The following DCDC1 variants were observed in gnomAD, a reference collection of about 807,000 sequenced individuals.
DCDC1 encodes doublecortin domain-containing protein 1.
A neutral mutation model predicts 178.3 loss-of-function variants in DCDC1; 200 were observed. The ratio of observed to expected loss-of-function variants is 1.12; its 90% CI spans 1.00 to 1.26. DCDC1 has a LOEUF of 1.26. Among genes scored for constraint, DCDC1 ranks in the 50% most tolerant of loss-of-function variants. The pLI is 0.00. For synonymous variants in DCDC1, 690 were observed against 604.8 expected, an observed-to-expected ratio of 1.14 and a Z score of -2.07; for missense variants, 1,983 against 1,749.2, an observed-to-expected ratio of 1.13 and a Z score of -2.38.
At chr11:31,016,767 C>T (rs1272109601) in intron 20 of DCDC1, among the ~76,000 whole-genome samples, 2 of 152,152 alleles carry the variant, frequency 1.3e-5, no homozygotes, top group Non-Finnish European at 2.9e-5. Flanking sequence ...GCCTGTGTCC[C>T]ATCCCCAGAG....
chr11:30,941,051 T>C (rs1187596150), intron 21 of DCDC1, among the ~76,000 whole-genome samples: 1 of 152,206 alleles, frequency 6.6e-6, no homozygotes, highest in Non-Finnish European at 1.5e-5. Context: ...ATTTTAGCTA[T>C]TTATTTTTAA....
Position 31,105,161 on chromosome 11 carries a change from T to C in DCDC1, c.1752-1392A>G, listed in dbSNP as rs1591060928. On this transcript the variant is annotated intron_variant, in intron 13 of 38. Coordinates refer to ENST00000684477, the MANE Select transcript of DCDC1 (RefSeq NM_001387274.1). ...TTCCTATGGTAGCAAAATGCTGTAATGGTTTCCTGGTGCTTTATGTTGGAC... is the reference window on the plus strand; with the variant it reads ...TTCCTATGGTAGCAAAATGCTGTAACGGTTTCCTGGTGCTTTATGTTGGAC... 3.3e-5 allele frequency among the ~76,000 whole-genome samples: 5 copies of C among 152,202 alleles called. No homozygotes were observed. The Middle Eastern group carries it at 0.017, about 518-fold the overall frequency.
At chr11:30,939,892 T>C (rs1270963395) in intron 21 of DCDC1, among the ~76,000 whole-genome samples, 19 of 152,332 alleles carry the variant, frequency 1.2e-4, no homozygotes, top group African/African-American at 3.8e-4. Context: ...TATTAGATCA[T>C]GAAATTATTT....
intron 3 of DCDC1, among the ~76,000 whole-genome samples, chr11:31,308,453 G>A (rs554587005): frequency 6.6e-6 from 1 of 152,268 alleles, no homozygotes; most frequent in Admixed American, 6.5e-5. Flanking sequence ...ATAATTCATT[G>A]AAGGCCATTT....
chr11:31,241,977 G>A (rs1228063556), intron 8 of DCDC1, among the ~76,000 whole-genome samples: 3 of 151,954 alleles, frequency 2.0e-5, no homozygotes, highest in African/African-American at 7.2e-5. Flanking sequence ...TGATAAAACT[G>A]TAAGATCCAT....
chr11:30,909,976 T>G (rs1421682138), intron 28 of DCDC1, among the ~76,000 whole-genome samples: 1 of 152,164 alleles, frequency 6.6e-6, no homozygotes, highest in South Asian at 2.1e-4. Flanking sequence ...GAGAGCTTAA[T>G]AGCAAAGAAG....
intron 20 of DCDC1, among the ~76,000 whole-genome samples, chr11:31,030,318 T>C (rs1953537155): frequency 6.6e-6 from 1 of 151,992 alleles, no homozygotes; most frequent in African/African-American, 2.4e-5. Context: ...ACCACACAGT[T>C]GGTAGACATA....
chr11:31,191,943 T>C (rs1338468987), intron 9 of DCDC1, among the ~76,000 whole-genome samples: 1 of 152,090 alleles, frequency 6.6e-6, no homozygotes, highest in Non-Finnish European at 1.5e-5. Flanking sequence ...TTAAACTTCA[T>C]TGTATCTCTT....
chr11:31,216,303 G>A (rs147633934), intron 9 of DCDC1, among the ~76,000 whole-genome samples: 4 of 152,198 alleles, frequency 2.6e-5, no homozygotes, highest in East Asian at 1.9e-4. Flanking sequence ...TAATGCTTAC[G>A]AATTGGAATT....
intron 34 of DCDC1, among the ~76,000 whole-genome samples, chr11:30,896,453 T>G (rs983997297): frequency 2.6e-5 from 4 of 152,170 alleles, no homozygotes; most frequent in African/African-American, 9.7e-5. Flanking sequence ...GCTTTGCTGT[T>G]TTTTCATGGG....
At chr11:31,340,314 T>C (rs1591806478) in intron 1 of DCDC1, among the ~76,000 whole-genome samples, 1 of 151,944 alleles carries the variant, frequency 6.6e-6, no homozygotes, top group African/African-American at 2.4e-5. Context: ...AAAATGACTG[T>C]GTGGAGTGTA....
chr11:31,002,541 G>A (rs2135038118), intron 20 of DCDC1, among the ~76,000 whole-genome samples: 1 of 152,254 alleles, frequency 6.6e-6, no homozygotes, highest in East Asian at 1.9e-4. Context: ...CAGAGCTCAG[G>A]ATAAGCTTTA....
At chr11:31,358,803 A>C (rs1187264747) in intron 1 of DCDC1, among the ~76,000 whole-genome samples, 1 of 152,244 alleles carries the variant, frequency 6.6e-6, no homozygotes, top group Non-Finnish European at 1.5e-5. Flanking sequence ...TCAAAAGAAG[A>C]CATTTATGCA....
At chr11:31,326,763 G>C (rs532026504) in intron 3 of DCDC1, among the ~76,000 whole-genome samples, 2 of 152,028 alleles carry the variant, frequency 1.3e-5, no homozygotes, top group African/African-American at 4.8e-5. Context: ...CATTCAAACT[G>C]ATCTAGGAAA....
At chr11:31,057,594 C>A (rs1955666107) in intron 20 of DCDC1, among the ~76,000 whole-genome samples, 2 of 151,792 alleles carry the variant, frequency 1.3e-5, no homozygotes, top group Admixed American at 1.3e-4. Flanking sequence ...AGAAGAAAAG[C>A]TGAGAAAAAA....
rs768258040 is a variant in DCDC1, at chr11:31,306,243, T to C, written c.580A>G (p.Thr194Ala). The C allele has an allele frequency of 1.3e-6, 2 of 1,571,614 alleles. No homozygotes were observed. Among genetic ancestry groups the C allele is most frequent in the East Asian group, 2.3e-5 (1 of 43,350 alleles). ...GGAACACTAGTTACCAAGGTGATGG[T>C]TGGTACAGTAACTCTGGCAAAGACT... ...RTVFARVTVP[T>A]ITLLLEECTE... The change falls in exon 5 of 39, where the codon ACC becomes GCC. Residue 194 changes from threonine (T) to alanine (A), a missense_variant. Coordinates refer to ENST00000684477, the MANE Select transcript of DCDC1 (RefSeq NM_001387274.1).
intron 19 of DCDC1, 96 bp from the exon 20 acceptor site, chr11:31,064,722 G>T: frequency 1.5e-6 from 1 of 672,958 alleles, no homozygotes; most frequent in South Asian, 1.7e-5. Flanking sequence ...AGTTTTCATG[G>T]TGCCTTCAGT....
chr11:31,144,490 A>G (rs1472122695), intron 9 of DCDC1, among the ~76,000 whole-genome samples: 1 of 152,144 alleles, frequency 6.6e-6, no homozygotes, highest in Non-Finnish European at 1.5e-5. Context: ...TTTCCTCTAC[A>G]TAGTTGTAGC....
intron 9 of DCDC1, among the ~76,000 whole-genome samples, chr11:31,148,434 G>A (rs1221551330): frequency 6.6e-6 from 1 of 151,816 alleles, no homozygotes; most frequent in African/African-American, 2.4e-5. Context: ...GAGCCTGGAG[G>A]TGGAGGTTGC....
Sources: gnomAD v4.1 joint callset for allele counts (sites outside exome capture counted in the v4.1 genomes callset) on GRCh38, gnomAD v4.1.1 for gene constraint, MANE v1.5 for transcripts, NCBI Gene and HGNC (gene_info 2026-07-23, HGNC 2026-07-21) for gene names.